The following LSM3 variants were observed in gnomAD, a reference collection of about 807,000 sequenced individuals.
LSM3 encodes the protein U6 snRNA-associated Sm-like protein LSm3.
A neutral mutation model predicts 15.4 loss-of-function variants in LSM3; 14 were observed. The observed-to-expected ratio is 0.91, with a 90% CI of 0.60 to 1.42. The LOEUF (loss-of-function observed/expected upper bound fraction) is 1.42. Among genes scored for constraint, LSM3 ranks in the 40% most tolerant of loss-of-function variants. The probability of loss-of-function intolerance (pLI) is 0.00; values close to 1 mark genes in which losing one functional copy is unlikely to be tolerated. For missense variants in LSM3, 88 were observed against 127.9 expected (o/e 0.69, Z 1.50); for synonymous variants, 46 against 45.1 (o/e 1.02, Z -0.08).
chr3:14,200,573 A>C lies in LSM3; in HGVS notation c.*2457A>C, dbSNP rs1051702516. The stretch of plus-strand genomic sequence containing the variant: ...CCTCTTCAGCAAGTATCATGCCTGG[A>C]TCCCGGTCTTGGTTGTTTTATGAGA... On this transcript the variant is annotated 3_prime_UTR_variant, in exon 4 of 4. Coordinates refer to ENST00000306024, the MANE Select transcript of LSM3 (RefSeq NM_014463.3). 4 of 152,098 alleles carry C rather than the reference A, an allele frequency of 2.6e-5. No homozygotes were observed. The highest frequency in any genetic ancestry group is 4.4e-5 in the Non-Finnish European group (3 of 68,040). 9.4% of individuals were successfully genotyped at this position (152,098 alleles called of 1,614,324 possible).
Position 14,180,844 on chromosome 3 carries a change from TTTTTTTTTTTTTTA to T in LSM3, c.22-715_22-702del, listed in dbSNP as rs1559390209. On this transcript the variant is annotated intron_variant, in intron 1 of 3. Coordinates refer to ENST00000306024, the MANE Select transcript of LSM3 (RefSeq NM_014463.3). ...GCCTTTTTTTTTTTTTTTTTTTTTT[TTTTTTTTTTTTTTA>T]AAAAAAAAAAAGACAAGAGTCTCAC... Among the ~76,000 whole-genome samples the T allele has an allele frequency of 3.4e-4, 40 of 118,152 alleles. 1 individual carries two copies. The highest frequency in any genetic ancestry group is 4.3e-4 in the Non-Finnish European group (25 of 58,756). 77.5% of individuals were successfully genotyped at this position (118,152 alleles called of 152,430 possible).
At chr3:14,184,093 TA>T (rs1182001787) in intron 3 of LSM3, 61 bp downstream of exon 3, 1 of 1,519,582 alleles carries the variant, frequency 6.6e-7, no homozygotes, top group African/African-American at 1.4e-5. Context: ...TCGAACAGCT[TA>T]ACCCATATTT....
intron 3 of LSM3, among the ~76,000 whole-genome samples, chr3:14,196,122 T>G (rs1466089733): frequency 2.6e-5 from 4 of 151,872 alleles, no homozygotes; most frequent in Admixed American, 2.6e-4. Flanking sequence ...CTGGCTAATT[T>G]TTTTTTTTAT....
intron 3 of LSM3, among the ~76,000 whole-genome samples, chr3:14,194,084 C>T (rs893353599): frequency 3.9e-5 from 6 of 152,184 alleles, no homozygotes; most frequent in African/African-American, 1.4e-4. Context: ...ATATCACCAG[C>T]GGAGGCTGCA....
intron 3 of LSM3, among the ~76,000 whole-genome samples, chr3:14,186,084 G>A (rs1446254270): frequency 1.3e-5 from 2 of 152,104 alleles, no homozygotes; most frequent in Non-Finnish European, 2.9e-5. Context: ...GCTAATTTTT[G>A]TGTTTTTAGT....
intron 1 of LSM3, among the ~76,000 whole-genome samples, chr3:14,179,774 G>A (rs1234440991): frequency 6.6e-6 from 1 of 152,230 alleles, no homozygotes; most frequent in African/African-American, 2.4e-5. Context: ...ATCAGAGGAA[G>A]CCTCTTTGAG....
chr3:14,189,649 G>T (rs1428068074), intron 3 of LSM3, among the ~76,000 whole-genome samples: 1 of 151,700 alleles, frequency 6.6e-6, no homozygotes, highest in African/African-American at 2.4e-5. Context: ...TGATGGGGTT[G>T]TTTTTTTTCT....
intron 3 of LSM3, 144 bp from the exon 4 acceptor site, chr3:14,197,892 C>G (rs1697199888): frequency 3.1e-6 from 2 of 652,176 alleles, no homozygotes; most frequent in Admixed American, 5.0e-5. Context: ...TGGATTGGTT[C>G]TTGGTGCTAC....
At chr3:14,184,132 T>G (rs1372676036) in intron 3 of LSM3, 100 bp downstream of exon 3, 2 of 1,401,892 alleles carry the variant, frequency 1.4e-6, no homozygotes, top group Admixed American at 5.4e-5. Context: ...TTTTGACACC[T>G]ACTTATGGAC....
In LSM3 at chr3:14,198,468, A is replaced by G. The variant is rs1697205695; in HGVS notation, c.*352A>G. On this transcript the variant is annotated 3_prime_UTR_variant, in exon 4 of 4. Transcript: ENST00000306024. ...CGGTCTTCTGTCTTGTGAATTATTTAAAGTAAGCATGTCTTACCTTCACTT... is the reference window on the plus strand; with the variant it reads ...CGGTCTTCTGTCTTGTGAATTATTTGAAGTAAGCATGTCTTACCTTCACTT... 2 of 251,514 alleles carry G rather than the reference A, an allele frequency of 8.0e-6. No individual in the cohort carries two copies. The highest frequency in any genetic ancestry group is 7.7e-6 in the Non-Finnish European group (1 of 130,690). 15.6% of individuals were successfully genotyped at this position (251,514 alleles called of 1,614,324 possible). A position where few individuals can be genotyped will look rare whatever the true frequency, so the allele number is the denominator to read the frequency against.
At chr3:14,180,833 TTTTTTTTTTTTTTTTTTTTTTTTTA>T (rs1697029225) in intron 1 of LSM3, among the ~76,000 whole-genome samples, 10 of 72,528 alleles carry the variant, frequency 1.4e-4, no homozygotes, top group African/African-American at 5.1e-4. Flanking sequence ...TTTTTTTTTT[TTTTTTTTTTTTTTTTTTTTTTTTTA>T]AAAAAAAAAA....
At chr3:14,193,332 A>G (rs1464772004) in intron 3 of LSM3, among the ~76,000 whole-genome samples, 1 of 152,310 alleles carries the variant, frequency 6.6e-6, no homozygotes, top group East Asian at 1.9e-4. Context: ...CTGTCTTACT[A>G]GGTTGGGGAA....
chr3:14,181,703 G>C (rs1482100540), intron 2 of LSM3, 33 bp downstream of exon 2: 1 of 1,435,350 alleles, frequency 7.0e-7, no homozygotes, highest in Non-Finnish European at 9.8e-7. Context: ...CTTGAAATCA[G>C]ATTCCTTCCT....
chr3:14,181,760 T>C, intron 2 of LSM3, 90 bp downstream of exon 2: 1 of 927,324 alleles, frequency 1.1e-6, no homozygotes, highest in African/African-American at 1.6e-5. Context: ...TGAAAGGGTA[T>C]TTTGAAGGAA....
intron 3 of LSM3, among the ~76,000 whole-genome samples, chr3:14,187,665 C>T (rs1697101396): frequency 1.3e-5 from 2 of 152,112 alleles, no homozygotes; most frequent in Non-Finnish European, 1.5e-5. Context: ...CTCTCTCTCT[C>T]GTCTATTGAA....
intron 3 of LSM3, among the ~76,000 whole-genome samples, chr3:14,195,455 TA>T (rs11290219): frequency 0.42 from 63,891 of 151,292 alleles, 14,016 homozygotes; most frequent in Non-Finnish European, 0.48. Flanking sequence ...CAAAGGGCTT[TA>T]AAAAAAAAAT....
At chr3:14,181,480 C>A in intron 1 of LSM3, 80 bp from the exon 2 acceptor site, 1 of 866,144 alleles carries the variant, frequency 1.2e-6, no homozygotes, top group Non-Finnish European at 1.9e-6. Context: ...AATAACTTGC[C>A]CATGGTCACA....
At chr3:14,188,914 G>A (rs551198229) in intron 3 of LSM3, among the ~76,000 whole-genome samples, 3 of 152,002 alleles carry the variant, frequency 2.0e-5, no homozygotes, top group African/African-American at 4.8e-5. Context: ...CCATCAACCC[G>A]TCACCTACAT....
intron 3 of LSM3, among the ~76,000 whole-genome samples, chr3:14,192,967 G>T (rs564368704): frequency 6.6e-6 from 1 of 152,292 alleles, no homozygotes; most frequent in South Asian, 2.1e-4. Context: ...TGTGAGGCAG[G>T]CCTGGTGGTG....
Sources: gnomAD v4.1 joint callset for allele counts (sites outside exome capture counted in the v4.1 genomes callset) on GRCh38, gnomAD v4.1.1 for gene constraint, MANE v1.5 for transcripts, NCBI Gene and HGNC (gene_info 2026-07-23, HGNC 2026-07-21) for gene names.